The following FPR2 variants were observed in gnomAD, a reference collection of about 807,000 sequenced individuals.
FPR2 encodes the protein formyl peptide receptor 2, also known as N-formyl peptide receptor 2.
A neutral mutation model predicts 4.0 loss-of-function variants in FPR2; 3 were observed. The ratio of observed to expected loss-of-function variants is 0.74; its 90% CI spans 0.34 to 1.92. The LOEUF (loss-of-function observed/expected upper bound fraction) is 1.92. Ranked by LOEUF, FPR2 falls within the 30% of genes most tolerant of loss-of-function variation. The probability of loss-of-function intolerance (pLI) is 0.07; values close to 1 mark genes in which losing one functional copy is unlikely to be tolerated. For missense variants in FPR2, 372 were observed against 435.7 expected, an observed-to-expected ratio of 0.85 and a Z score of 1.30; for synonymous variants, 179 against 171.5, an observed-to-expected ratio of 1.04 and a Z score of -0.34.
At chr19:51,765,719 T>C (rs4802863) in intron 1 of FPR2, among the ~76,000 whole-genome samples, 98,501 of 152,016 alleles carry the variant, frequency 0.65, 32,048 homozygotes, top group East Asian at 0.7. Flanking sequence ...AGAGTTCCCA[T>C]TTGTCATAGA....
chr19:51,762,189 G>A (rs915305540), intron 1 of FPR2, among the ~76,000 whole-genome samples: 11 of 150,584 alleles, frequency 7.3e-5, no homozygotes, highest in African/African-American at 2.7e-4. Context: ...AGGGTCAAGC[G>A]ATTCTCCTGC....
At position 51,769,521 on chromosome 19, in the gene FPR2, G is replaced by A; in HGVS notation, c.863G>A (p.Ser288Asn). The change falls in exon 2 of 2, where the codon AGC becomes AAC. Residue 288 changes from serine to asparagine, a missense_variant. By Grantham distance (46) the Ser-to-Asn change is conservative (BLOSUM62 1). Coordinates refer to ENST00000340023, the MANE Select transcript of FPR2 (RefSeq NM_001005738.2). The surrounding 1 kb of genome is among the most constrained non-coding windows in gnomAD (Gnocchi z 4.4). ...KIIDILVNPT[S>N]SLAFFNSCLN... ...ATTGACATCCTGGTTAACCCAACGA[G>A]CTCCCTGGCCTTCTTCAACAGCTGC... The A allele has an allele frequency of 6.2e-7, 1 of 1,614,158 alleles. No individual in the cohort carries two copies. Among genetic ancestry groups the A allele is most frequent in the Non-Finnish European group, 8.5e-7 (1 of 1,180,040 alleles).
Position 51,768,692 on chromosome 19 carries a change from T to C in FPR2, c.34T>C (p.Tyr12His), listed in dbSNP as rs144707166. ...ETNFSTPLNE[Y>H]EEVSYESAGY... The stretch of plus-strand genomic sequence containing the variant: ...CAACTTCTCCACTCCTCTGAATGAA[T>C]ATGAAGAAGTGTCCTATGAGTCTGC... Residue 12 changes from tyrosine to histidine, a missense_variant, in exon 2 of 2, where the codon TAT becomes CAT. Tyr to His is a moderately conservative substitution (Grantham distance 83). Transcript: ENST00000340023. 1.9e-6 allele frequency: 3 copies of C among 1,611,376 alleles called. No individual in the cohort carries two copies. The highest frequency in any genetic ancestry group is 4.5e-5 in the East Asian group (2 of 44,840).
At position 51,767,293 on chromosome 19, in the gene FPR2, C is replaced by T. The variant is rs566700693; in HGVS notation, c.-14-1352C>T. Among the ~76,000 whole-genome samples, 18 of 152,242 alleles carry T rather than the reference C, an allele frequency of 1.2e-4. No homozygotes were observed. The South Asian group carries it at 2.7e-3, about 23-fold the overall frequency. On this transcript the variant is annotated intron_variant, in intron 1 of 1. Coordinates refer to ENST00000340023, the MANE Select transcript of FPR2 (RefSeq NM_001005738.2). ...GGCATAAGAAAATGTGCTCAGGTGA[C>T]GTGGGACTTTGTGTTGAACTGGATA... is the stretch of plus-strand genomic sequence containing the variant.
At chr19:51,765,870 T>C (rs1168558844) in intron 1 of FPR2, among the ~76,000 whole-genome samples, 3 of 152,154 alleles carry the variant, frequency 2.0e-5, no homozygotes, top group African/African-American at 7.2e-5. Flanking sequence ...TAAAAACTCA[T>C]AGTGAGGAGA....
Position 51,761,182 on chromosome 19 carries a change from T to G in FPR2, c.-63T>G, listed in dbSNP as rs1262362784. On this transcript the variant is annotated 5_prime_UTR_variant, in exon 1 of 2. Transcript: ENST00000340023. ...CCGCGAAAGCCCTTAGAGCCGGTGTTGCTCCACAGGAAGCCAAGAAGCACA... is the reference window on the plus strand; with the variant it reads ...CCGCGAAAGCCCTTAGAGCCGGTGTGGCTCCACAGGAAGCCAAGAAGCACA... 1 of 152,224 alleles carries G rather than the reference T, an allele frequency of 6.6e-6. No homozygotes were observed. Among genetic ancestry groups the G allele is most frequent in the Non-Finnish European group, 1.5e-5 (1 of 68,026 alleles). The allele number at this position is 152,224 out of a possible 1,614,324, so 9.4% of individuals were successfully genotyped here. A position where few individuals can be genotyped will look rare whatever the true frequency, so the allele number is the denominator to read the frequency against.
intron 1 of FPR2, among the ~76,000 whole-genome samples, chr19:51,767,340 G>A (rs138055839): frequency 3.3e-5 from 5 of 152,238 alleles, no homozygotes; most frequent in Admixed American, 1.3e-4. Context: ...GATGTGATCC[G>A]GACCAGAGGC....
At chr19:51,764,083 G>C (rs1481856324) in intron 1 of FPR2, among the ~76,000 whole-genome samples, 2 of 152,100 alleles carry the variant, frequency 1.3e-5, no homozygotes, top group African/African-American at 4.8e-5. Flanking sequence ...TTTAAAGGGA[G>C]GGGATATGAT....
chr19:51,767,187 G>A (rs562453178), intron 1 of FPR2, among the ~76,000 whole-genome samples: 3 of 152,146 alleles, frequency 2.0e-5, no homozygotes, highest in Non-Finnish European at 1.5e-5. Context: ...TTGGTTTTCT[G>A]TTCCTGCATT....
chr19:51,767,461 T>A (rs979143658), intron 1 of FPR2, among the ~76,000 whole-genome samples: 2 of 152,212 alleles, frequency 1.3e-5, no homozygotes, highest in African/African-American at 4.8e-5. Context: ...TGTCCACAAT[T>A]TAGTCACGTG....
chr19:51,766,487 C>T (rs78182334), intron 1 of FPR2, among the ~76,000 whole-genome samples: 1 of 152,120 alleles, frequency 6.6e-6, no homozygotes, highest in Non-Finnish European at 1.5e-5. Context: ...CCATGGAATA[C>T]CTCAGTGAAA....
At chr19:51,767,848 C>T (rs2122362696) in intron 1 of FPR2, among the ~76,000 whole-genome samples, 1 of 152,278 alleles carries the variant, frequency 6.6e-6, no homozygotes, top group African/African-American at 2.4e-5. Flanking sequence ...TAGTAATTAA[C>T]ACAATGCATA....
At chr19:51,765,544 A>G (rs1239115065) in intron 1 of FPR2, among the ~76,000 whole-genome samples, 1 of 152,226 alleles carries the variant, frequency 6.6e-6, no homozygotes, top group Non-Finnish European at 1.5e-5. Context: ...CAGCCCATCC[A>G]CAGATCCTGT....
In FPR2 at chr19:51,770,147, A is replaced by G. The variant is rs2083893073; in HGVS notation, c.*433A>G. 5.8e-6 allele frequency: 1 copy of G among 173,906 alleles called. No individual in the cohort carries two copies. Among genetic ancestry groups the G allele is most frequent in the African/African-American group, 2.4e-5 (1 of 41,500 alleles). The allele number at this position is 173,906 out of a possible 1,614,324, so 10.8% of individuals were successfully genotyped here. A position where few individuals can be genotyped will look rare whatever the true frequency, so the allele number is the denominator to read the frequency against. On this transcript the variant is annotated 3_prime_UTR_variant, in exon 2 of 2. Coordinates refer to ENST00000340023, the MANE Select transcript of FPR2 (RefSeq NM_001005738.2). The stretch of plus-strand genomic sequence containing the variant: ...TTCTGTTTCTTTTTCTTACATCATG[A>G]GTGGACTTTGCATTTTATCAAATGC...
rs752326266 is a variant in FPR2 at position 51,769,060 on chromosome 19, G to A, written c.402G>A (p.Gln134=). 3 of 1,614,194 alleles carry A rather than the reference G, an allele frequency of 1.9e-6. No homozygotes were observed. The Admixed American group carries it at 5.0e-5, about 27-fold the overall frequency. The change falls in exon 2 of 2, where the codon CAG becomes CAA. Residue 134 remains glutamine (Q), a synonymous_variant. Coordinates refer to ENST00000340023, the MANE Select transcript of FPR2 (RefSeq NM_001005738.2). The surrounding 1 kb of genome is among the most constrained non-coding windows in gnomAD (Gnocchi z 4.4). ...GTGTCCTGCATCCAGTCTGGGCCCA[G>A]AACCACCGCACTGTGAGTCTGGCCA... ...CICVLHPVWA[Q]NHRTVSLAMK... is the part of the protein sequence containing the mutation.
intron 1 of FPR2, among the ~76,000 whole-genome samples, chr19:51,766,227 A>G (rs901848448): frequency 1.3e-5 from 2 of 152,198 alleles, no homozygotes; most frequent in Non-Finnish European, 2.9e-5. Context: ...GGCTGAGCCC[A>G]GTATTCTTTG....
At chr19:51,765,118 C>A (rs1355880002) in intron 1 of FPR2, among the ~76,000 whole-genome samples, 1 of 152,156 alleles carries the variant, frequency 6.6e-6, no homozygotes, top group Non-Finnish European at 1.5e-5. Context: ...TGAGCCACTG[C>A]GCCCAGCCTG....
chr19:51,768,345 C>G (rs1353112973), intron 1 of FPR2: 1 of 257,236 alleles, frequency 3.9e-6, no homozygotes, highest in Non-Finnish European at 7.5e-6. Flanking sequence ...TGCCTATGCT[C>G]AATTTTCCAT....
At chr19:51,761,748 G>A (rs1024497632) in intron 1 of FPR2, among the ~76,000 whole-genome samples, 5 of 152,262 alleles carry the variant, frequency 3.3e-5, no homozygotes, top group East Asian at 3.9e-4. Flanking sequence ...AGCCGATATC[G>A]TGCCATTGCA....
Sources: gnomAD v4.1 joint callset for allele counts (sites outside exome capture counted in the v4.1 genomes callset) on GRCh38, gnomAD v4.1.1 for gene constraint, Gnocchi (gnomAD v3.1) non-coding constraint, MANE v1.5 for transcripts, NCBI Gene and HGNC (gene_info 2026-07-23, HGNC 2026-07-21) for gene names.